SGSM3: variants seen among roughly 807,000 people sequenced by gnomAD.
The protein encoded by SGSM3 is small G protein signaling modulator 3, also known as RUN and SH3 containing 3.
A neutral mutation model predicts 100.5 loss-of-function variants in SGSM3; 96 were observed. The observed-to-expected ratio is 0.96, with a 90% CI of 0.81 to 1.13. The LOEUF (loss-of-function observed/expected upper bound fraction) is 1.13. Among genes scored for constraint, SGSM3 ranks in the 50% most tolerant of loss-of-function variants. SGSM3 has a pLI of 0.00. For missense variants in SGSM3, 1,001 were observed against 1,015.8 expected, an observed-to-expected ratio of 0.99 and a Z score of 0.20; for synonymous variants, 483 against 422.8, an observed-to-expected ratio of 1.14 and a Z score of -1.75.
At chr22:40,374,829 C>T (rs2046284088) in intron 1 of SGSM3, among the ~76,000 whole-genome samples, 1 of 152,146 alleles carries the variant, frequency 6.6e-6, no homozygotes, top group Non-Finnish European at 1.5e-5. Flanking sequence ...AAGTTGCAGC[C>T]AGCCATGTTT....
intron 1 of SGSM3, among the ~76,000 whole-genome samples, chr22:40,371,072 C>G (rs1475613486): frequency 2.0e-5 from 3 of 152,224 alleles, no homozygotes; most frequent in African/African-American, 4.8e-5. Context: ...GGCACCGGGA[C>G]AGCTGCAGAC....
chr22:40,407,122 C>T lies in SGSM3; in HGVS notation c.1240+51C>T, dbSNP rs1321874580. 1.2e-6 allele frequency: 2 copies of T among 1,610,118 alleles called. No individual in the cohort carries two copies. Among genetic ancestry groups the T allele is most frequent in the Admixed American group, 1.7e-5 (1 of 59,212 alleles). On this transcript the variant is annotated intron_variant, in intron 11 of 21. Coordinates refer to ENST00000248929, the MANE Select transcript of SGSM3 (RefSeq NM_015705.6). The surrounding 1 kb of genome is among the most constrained non-coding windows in gnomAD (Gnocchi z 4.7). ...GTGTGGGCATGCGGGAGTCTGTCCT[C>T]ACGCTCATGTGGACGTGGAGCTTCC...
intron 1 of SGSM3, among the ~76,000 whole-genome samples, chr22:40,395,908 A>G (rs2049986348): frequency 6.6e-6 from 1 of 152,202 alleles, no homozygotes; most frequent in Admixed American, 6.5e-5. Context: ...CTTGCCTGCA[A>G]GCATCCACTC....
At chr22:40,409,092 C>T in intron 19 of SGSM3, 74 bp downstream of exon 19, 2 of 1,551,892 alleles carry the variant, frequency 1.3e-6, no homozygotes, top group Non-Finnish European at 8.7e-7. Context: ...GGGGTCCTTA[C>T]AGGGAACCCT....
chr22:40,397,617 G>A (rs529522982), intron 1 of SGSM3, among the ~76,000 whole-genome samples: 24 of 152,220 alleles, frequency 1.6e-4, no homozygotes, highest in East Asian at 1.2e-3. Context: ...GTGAGGCCTC[G>A]TAGTCCCCTG....
At chr22:40,386,552 A>G (rs892018824) in intron 1 of SGSM3, among the ~76,000 whole-genome samples, 1 of 127,988 alleles carries the variant, frequency 7.8e-6, no homozygotes, top group African/African-American at 2.7e-5. Context: ...CCTCTAGTCC[A>G]ATTTTCTTAC....
In SGSM3 at chr22:40,405,234, GC is replaced by G; in HGVS notation, c.571del (p.Leu191TrpfsTer33). On this transcript the variant is annotated frameshift_variant, in exon 7 of 22. Coordinates refer to ENST00000248929, the MANE Select transcript of SGSM3 (RefSeq NM_015705.6). LOFTEE classifies it high-confidence loss of function. ...GVPRLRRVLR[A>X]LAWLYPEIGY... ...GCCCCGCCTGCGCAGGGTGCTCCGG[GC>G]CCTGGCCTGGCTCTACCCAGAGATC... 1.3e-6 allele frequency: 2 copies of G among 1,571,852 alleles called. No homozygotes were observed. The highest frequency in any genetic ancestry group is 1.7e-6 in the Non-Finnish European group (2 of 1,158,560).
intron 1 of SGSM3, among the ~76,000 whole-genome samples, chr22:40,393,438 G>A (rs907730895): frequency 6.6e-6 from 1 of 152,216 alleles, no homozygotes; most frequent in Admixed American, 6.5e-5. Context: ...TTAAATGGTT[G>A]AAGTCATATA....
At chr22:40,396,818 G>A (rs1224052556) in intron 1 of SGSM3, among the ~76,000 whole-genome samples, 1 of 152,094 alleles carries the variant, frequency 6.6e-6, no homozygotes, top group Non-Finnish European at 1.5e-5. Context: ...AACCTTTTCT[G>A]CCCCTCCCCA....
rs375604609 is a variant in SGSM3, at chr22:40,408,803, A to G, written c.1863A>G (p.Glu621=). ...LVLCKTFRLD[E]DGKVLTPEEL... The stretch of plus-strand genomic sequence containing the variant: ...TTTGGTGTCCCCTCAGGTTGGATGA[A>G]GATGGCAAAGTCCTGACCCCGGAGG... The change falls in exon 18 of 22, where the codon GAA becomes GAG. Residue 621 remains glutamate (E), a synonymous_variant. Transcript: ENST00000248929. The G allele has an allele frequency of 2.5e-6, 4 of 1,613,778 alleles. No homozygotes were observed. Among genetic ancestry groups the G allele is most frequent in the African/African-American group, 2.7e-5 (2 of 75,034 alleles).
chr22:40,396,383 G>A (rs1409667293), intron 1 of SGSM3, among the ~76,000 whole-genome samples: 2 of 152,102 alleles, frequency 1.3e-5, no homozygotes, highest in Non-Finnish European at 2.9e-5. Flanking sequence ...CTTGAGGTCA[G>A]AAGTTTGAGA....
At chr22:40,395,529 C>T (rs142373661) in intron 1 of SGSM3, among the ~76,000 whole-genome samples, 1 of 152,160 alleles carries the variant, frequency 6.6e-6, no homozygotes, top group East Asian at 1.9e-4. Context: ...ACCATGTTGG[C>T]CAGGTTGGTC....
chr22:40,372,622 C>T (rs1480951030), intron 1 of SGSM3: 1 of 152,150 alleles, frequency 6.6e-6, no homozygotes, highest in African/African-American at 2.4e-5. Flanking sequence ...AAAGTGAACT[C>T]GGGTAGAACC....
chr22:40,406,362 G>A, intron 9 of SGSM3, 76 bp from the exon 10 acceptor site: 1 of 1,491,896 alleles, frequency 6.7e-7, no homozygotes, highest in Non-Finnish European at 9.0e-7. Flanking sequence ...CCCTGAGGAT[G>A]GGGGTTGGGG....
In SGSM3 at chr22:40,407,262, C is replaced by T. The variant is rs142356951; in HGVS notation, c.1302C>T (p.Asp434=). The stretch of plus-strand genomic sequence containing the variant: ...TCAAGCAGACGGAACTGGTGGCTGA[C>T]CTCCGGGAAGCCATCCTGCGCGTGG... The part of the protein sequence containing the change: ...KNIKQTELVA[D]LREAILRVAR... The change falls in exon 12 of 22, where the codon GAC becomes GAT. Residue 434 remains aspartate (D), a synonymous_variant. Transcript: ENST00000248929. The surrounding 1 kb of genome is among the most constrained non-coding windows in gnomAD (Gnocchi z 4.7). The T allele has an allele frequency of 6.2e-7, 1 of 1,613,500 alleles. No homozygotes were observed. The highest frequency in any genetic ancestry group is 1.3e-5 in the African/African-American group (1 of 74,942).
In SGSM3 at chr22:40,410,272, A is replaced by AAGAT. The variant is rs1358195708; in HGVS notation, c.*514_*517dup. 4.5e-6 allele frequency: 3 copies of AAGAT among 671,732 alleles called. No homozygotes were observed. The highest frequency in any genetic ancestry group is 1.1e-4 in the Admixed American group (2 of 17,912). 41.6% of individuals were successfully genotyped at this position (671,732 alleles called of 1,614,324 possible). A position where few individuals can be genotyped will look rare whatever the true frequency, so the allele number is the denominator to read the frequency against. ...TACCCACCCCTTCCATGGACTGAAT[A>AAGAT]AGATGGACTAACAGGCCTGTGTTTT... On this transcript the variant is annotated 3_prime_UTR_variant, in exon 22 of 22. Coordinates refer to ENST00000248929, the MANE Select transcript of SGSM3 (RefSeq NM_015705.6).
chr22:40,397,409 A>G (rs2050179762), intron 1 of SGSM3, among the ~76,000 whole-genome samples: 1 of 152,124 alleles, frequency 6.6e-6, no homozygotes. Context: ...TCTAAAAAAA[A>G]AAATATGATA....
chr22:40,392,216 T>G (rs1483215767), intron 1 of SGSM3, among the ~76,000 whole-genome samples: 1 of 146,458 alleles, frequency 6.8e-6, no homozygotes, highest in Admixed American at 6.8e-5. Flanking sequence ...GTATTGTCAG[T>G]TTTTTTTTTT....
At chr22:40,382,354 T>C (rs376385937) in intron 1 of SGSM3, among the ~76,000 whole-genome samples, 143 of 152,252 alleles carry the variant, frequency 9.4e-4, no homozygotes, top group Admixed American at 2.3e-3. Context: ...TAGGTAGTTT[T>C]TCCTGGGGTA....
Sources: gnomAD v4.1 joint callset for allele counts (sites outside exome capture counted in the v4.1 genomes callset) on GRCh38, gnomAD v4.1.1 for gene constraint, Gnocchi (gnomAD v3.1) non-coding constraint, MANE v1.5 for transcripts, NCBI Gene and HGNC (gene_info 2026-07-23, HGNC 2026-07-21) for gene names.